The following ARHGAP20 variants were observed in gnomAD, a reference collection of about 807,000 sequenced individuals.
ARHGAP20 encodes the protein rho GTPase-activating protein 20.
A neutral mutation model predicts 73.7 loss-of-function variants in ARHGAP20; 34 were observed. The ratio of observed to expected loss-of-function variants is 0.46; its 90% CI spans 0.35 to 0.61. ARHGAP20 has a LOEUF of 0.61. ARHGAP20 is among the 20% of genes least tolerant of loss of function. ARHGAP20 has a pLI of 0.00. For missense variants in ARHGAP20, 1,314 were observed against 1,420.9 expected (o/e 0.92, Z 1.21); for synonymous variants, 523 against 518.2 (o/e 1.01, Z -0.13).
chr11:110,605,829 C>G (rs1355795158), intron 9 of ARHGAP20, among the ~76,000 whole-genome samples: 3 of 152,204 alleles, frequency 2.0e-5, no homozygotes, highest in Admixed American at 2.0e-4. Flanking sequence ...AAACGCAAAT[C>G]CATGGGTCTC....
chr11:110,593,737 T>C (rs958777568), intron 9 of ARHGAP20, among the ~76,000 whole-genome samples: 4 of 152,222 alleles, frequency 2.6e-5, no homozygotes, highest in Admixed American at 2.6e-4. Context: ...AAATACTATG[T>C]ATAAATTCTG....
chr11:110,681,590 G>A (rs953428569), intron 2 of ARHGAP20, among the ~76,000 whole-genome samples: 13 of 152,136 alleles, frequency 8.5e-5, no homozygotes, highest in Admixed American at 6.6e-4. Context: ...TCCTTCATTC[G>A]AAAGTATGAT....
chr11:110,630,382 C>T (rs1411151770), intron 3 of ARHGAP20, among the ~76,000 whole-genome samples: 1 of 152,166 alleles, frequency 6.6e-6, no homozygotes, highest in Non-Finnish European at 1.5e-5. Context: ...GGACCGTACC[C>T]ATCACATTCT....
chr11:110,711,716 G>C, intron 1 of ARHGAP20: 1 of 1,413,940 alleles, frequency 7.1e-7, no homozygotes, highest in Non-Finnish European at 9.2e-7. Context: ...CTTTGGGGCT[G>C]ACACCGCCAA....
intron 1 of ARHGAP20, among the ~76,000 whole-genome samples, chr11:110,696,039 C>T (rs1950329010): frequency 6.6e-6 from 1 of 151,380 alleles, no homozygotes; most frequent in South Asian, 2.1e-4. Context: ...ACCTTGAAAA[C>T]ATTAAACTAA....
At chr11:110,651,096 C>T in intron 2 of ARHGAP20, among the ~76,000 whole-genome samples, 1 of 152,142 alleles carries the variant, frequency 6.6e-6, no homozygotes, top group East Asian at 1.9e-4. Flanking sequence ...CTCAAAACCA[C>T]ACAACTACAT....
chr11:110,683,468 C>A (rs1950074111), intron 2 of ARHGAP20, among the ~76,000 whole-genome samples: 1 of 152,260 alleles, frequency 6.6e-6, no homozygotes, highest in South Asian at 2.1e-4. Context: ...TTATTAAATT[C>A]CTCTTTTGGT....
At position 110,579,638 on chromosome 11, in the gene ARHGAP20, G is replaced by C. The variant is rs1474282152; in HGVS notation, c.3308C>G (p.Pro1103Arg). Reference protein sequence around the residue: ...LPLRAAEGLSPVQSAQRCSSS... With the variant: ...LPLRAAEGLSRVQSAQRCSSS... ...ACTACACCTTTGGGCTGACTGCACA[G>C]GGGACAGTCCTTCAGCTGCCCTTAA... The change falls in exon 15 of 15, where the codon CCT (proline) becomes CGT (arginine). Residue 1103 changes from proline (P) to arginine (R), a missense_variant. Pro to Arg is a moderately radical substitution (Grantham distance 103). Coordinates refer to ENST00000683387, the MANE Select transcript of ARHGAP20 (RefSeq NM_001384657.1). 1.2e-6 allele frequency: 2 copies of C among 1,614,118 alleles called. No individual in the cohort carries two copies. The highest frequency in any genetic ancestry group is 2.2e-5 in the East Asian group (1 of 44,890).
In ARHGAP20 at chr11:110,580,257, T is replaced by A; in HGVS notation, c.2689A>T (p.Lys897Ter). Reference sequence around the variant, plus strand: ...ATGACTAAACTCTGATTAATGAGCTTCTGCCCCTCCATTTGCAAAGACTTA... The same window carrying A: ...ATGACTAAACTCTGATTAATGAGCTACTGCCCCTCCATTTGCAAAGACTTA... ...RHKSLQMEGQ[K>*]LINQSLVMGI... is the part of the protein sequence containing the mutation. The change falls in exon 15 of 15, where the codon AAG becomes TAG. Residue 897 changes from lysine to a stop codon, truncating the protein, a stop_gained. Coordinates refer to ENST00000683387, the MANE Select transcript of ARHGAP20 (RefSeq NM_001384657.1). LOFTEE classifies it low-confidence loss of function (END_TRUNC). The A allele has an allele frequency of 6.2e-7, 1 of 1,614,236 alleles. No individual in the cohort carries two copies. The highest frequency in any genetic ancestry group is 8.5e-7 in the Non-Finnish European group (1 of 1,180,038).
chr11:110,593,416 G>A (rs1286452779), intron 9 of ARHGAP20, among the ~76,000 whole-genome samples: 2 of 152,164 alleles, frequency 1.3e-5, no homozygotes, highest in Non-Finnish European at 2.9e-5. Flanking sequence ...ATACACACAA[G>A]TAACAACTAT....
At position 110,675,551 on chromosome 11, in the gene ARHGAP20, G is replaced by C. The variant is rs182298413; in HGVS notation, c.188+14996C>G. Among the ~76,000 whole-genome samples the C allele has an allele frequency of 7.1e-3, 1,075 of 152,240 alleles. 5 individuals are homozygous for C. The highest frequency in any genetic ancestry group is 0.012 in the Non-Finnish European group (849 of 68,012). On this transcript the variant is annotated intron_variant, in intron 2 of 14. Coordinates refer to ENST00000683387, the MANE Select transcript of ARHGAP20 (RefSeq NM_001384657.1). ...GAAACTATTCCACCTCAGATTATCAGGCACAGGCTTTAGATTCCCATAAGG... is the reference window on the plus strand; with the variant it reads ...GAAACTATTCCACCTCAGATTATCACGCACAGGCTTTAGATTCCCATAAGG...
chr11:110,628,782 A>C (rs1246081785), intron 3 of ARHGAP20, among the ~76,000 whole-genome samples: 1 of 152,192 alleles, frequency 6.6e-6, no homozygotes, highest in African/African-American at 2.4e-5. Context: ...AAGTGGTATA[A>C]CCTTATGTGA....
chr11:110,622,657 G>T (rs1948654376), intron 4 of ARHGAP20, among the ~76,000 whole-genome samples: 1 of 152,020 alleles, frequency 6.6e-6, no homozygotes, highest in Non-Finnish European at 1.5e-5. Context: ...CTCTGATTTT[G>T]TTTTTCTGAC....
In ARHGAP20 at chr11:110,583,549, T is replaced by G; in HGVS notation, c.1604A>C (p.Lys535Thr). The change falls in exon 13 of 15, where the codon AAG becomes ACG. Residue 535 changes from lysine (K) to threonine (T), a missense_variant and splice_region_variant. Coordinates refer to ENST00000683387, the MANE Select transcript of ARHGAP20 (RefSeq NM_001384657.1). ...CATAAAAATGAAAAACTTCATTACC[T>G]TTTTTGTAAATTCGTTTTCTAGTTC... ...SPELENEFTK[K>T]VSLLIQFLIE... 6.3e-7 allele frequency: 1 copy of G among 1,592,272 alleles called. No homozygotes were observed. Among genetic ancestry groups the G allele is most frequent in the Non-Finnish European group, 8.6e-7 (1 of 1,167,016 alleles).
intron 6 of ARHGAP20, among the ~76,000 whole-genome samples, chr11:110,611,724 T>A (rs796169140): frequency 1.4e-4 from 21 of 152,334 alleles, no homozygotes; most frequent in African/African-American, 4.6e-4. Flanking sequence ...CTCTGTCTTA[T>A]TTCCATAATT....
intron 9 of ARHGAP20, among the ~76,000 whole-genome samples, chr11:110,599,494 G>A (rs1298504492): frequency 6.6e-6 from 1 of 152,178 alleles, no homozygotes; most frequent in Non-Finnish European, 1.5e-5. Flanking sequence ...CCTATAGCCT[G>A]GGCGCCATGA....
At chr11:110,672,495 G>A (rs912334979) in intron 2 of ARHGAP20, among the ~76,000 whole-genome samples, 8 of 151,534 alleles carry the variant, frequency 5.3e-5, no homozygotes, top group South Asian at 2.1e-4. Flanking sequence ...CTTTTCTTTC[G>A]AGATGGAGTC....
At chr11:110,622,446 T>C (rs1948650007) in intron 4 of ARHGAP20, among the ~76,000 whole-genome samples, 1 of 152,202 alleles carries the variant, frequency 6.6e-6, no homozygotes, top group Admixed American at 6.5e-5. Flanking sequence ...ACTCTAAATG[T>C]TATTCTTTTA....
intron 2 of ARHGAP20, among the ~76,000 whole-genome samples, chr11:110,662,241 G>A (rs1949630580): frequency 6.6e-6 from 1 of 151,650 alleles, no homozygotes; most frequent in South Asian, 2.1e-4. Flanking sequence ...AGAAATAGAA[G>A]CTGAAATTTA....
Sources: allele counts gnomAD v4.1 joint callset (sites outside exome capture counted in the v4.1 genomes callset), GRCh38; gene constraint gnomAD v4.1.1; transcripts MANE v1.5; gene names NCBI Gene and HGNC (gene_info 2026-07-23, HGNC 2026-07-21).